Variants in KLHL20 observed in about 807,000 individuals in gnomAD.
KLHL20 encodes the protein kelch-like protein 20.
In KLHL20, 29 loss-of-function variants were observed where a neutral mutation model predicts 69.5. The observed-to-expected ratio is 0.42, with a 90% CI of 0.31 to 0.57. The LOEUF is 0.57. Ranked by LOEUF, KLHL20 falls within the 20% of genes least tolerant of loss-of-function variation. The pLI is 0.18. For synonymous variants in KLHL20, 253 were observed against 265.2 expected, an observed-to-expected ratio of 0.95 and a Z score of 0.45; for missense variants, 419 against 776.0, an observed-to-expected ratio of 0.54 and a Z score of 5.47.
At chr1:173,719,784 TTTA>T (rs1671633407) in intron 2 of KLHL20, among the ~76,000 whole-genome samples, 1 of 152,242 alleles carries the variant, frequency 6.6e-6, no homozygotes. Context: ...AATCATTCAT[TTTA>T]TTAAGAGATA....
At position 173,786,662 on chromosome 1, in the gene KLHL20, T is replaced by A. The variant is rs1207707528; in HGVS notation, c.*1415T>A. 3 of 152,604 alleles carry A rather than the reference T, an allele frequency of 2.0e-5. No individual in the cohort carries two copies. The highest frequency in any genetic ancestry group is 4.4e-5 in the Non-Finnish European group (3 of 68,010). 9.5% of individuals were successfully genotyped at this position (152,604 alleles called of 1,614,324 possible). A position where few individuals can be genotyped will look rare whatever the true frequency, so the allele number is the denominator to read the frequency against. The stretch of plus-strand genomic sequence containing the variant: ...TTTTTTCTAGCATGTATAACTTTTT[T>A]AAATAAAGGTAGTATTTACCATTAA... On this transcript the variant is annotated 3_prime_UTR_variant, in exon 12 of 12. Coordinates refer to ENST00000209884, the MANE Select transcript of KLHL20 (RefSeq NM_014458.4).
intron 9 of KLHL20, 106 bp from the exon 10 acceptor site, chr1:173,775,526 CAT>C: frequency 3.4e-6 from 3 of 879,362 alleles, no homozygotes; most frequent in Non-Finnish European, 5.4e-6. Flanking sequence ...AAAATCAGAT[CAT>C]GTGTTGAAAA....
At chr1:173,767,846 C>T (rs1043845506) in intron 8 of KLHL20, among the ~76,000 whole-genome samples, 2 of 152,182 alleles carry the variant, frequency 1.3e-5, no homozygotes, top group African/African-American at 4.8e-5. Context: ...TGTCTCTTCA[C>T]TCTGTTGATT....
intron 3 of KLHL20, among the ~76,000 whole-genome samples, chr1:173,744,541 CAG>C (rs10555539): frequency 0.25 from 38,510 of 151,834 alleles, 4,986 homozygotes; most frequent in Middle Eastern, 0.39. Flanking sequence ...GATTTTGAGG[CAG>C]AGTTTGAAAG....
chr1:173,761,669 TAAA>T (rs1647315678), intron 7 of KLHL20, among the ~76,000 whole-genome samples: 1 of 152,150 alleles, frequency 6.6e-6, no homozygotes, highest in Admixed American at 6.5e-5. Context: ...GATGGAAATT[TAAA>T]AATTCTTCAA....
intron 2 of KLHL20, among the ~76,000 whole-genome samples, chr1:173,721,420 C>T (rs1021139737): frequency 6.6e-6 from 1 of 152,192 alleles, no homozygotes; most frequent in Non-Finnish European, 1.5e-5. Context: ...CTACTATAGA[C>T]ACTAGAAAAT....
intron 4 of KLHL20, among the ~76,000 whole-genome samples, chr1:173,752,406 C>T (rs1198186241): frequency 6.6e-6 from 1 of 152,130 alleles, no homozygotes; most frequent in African/African-American, 2.4e-5. Context: ...GCTTTTTGCT[C>T]CTTTGCTTTC....
intron 7 of KLHL20, among the ~76,000 whole-genome samples, chr1:173,763,214 A>G (rs1212872294): frequency 6.6e-6 from 1 of 152,186 alleles, no homozygotes; most frequent in Non-Finnish European, 1.5e-5. Context: ...GAACTACAAA[A>G]TAGTGCAGAA....
chr1:173,741,830 T>A, intron 3 of KLHL20: 1 of 1,585,490 alleles, frequency 6.3e-7, no homozygotes, highest in East Asian at 2.2e-5. Flanking sequence ...ATGCACAAAC[T>A]GTAGTTTTGT....
chr1:173,717,344 T>G (rs979799887), intron 2 of KLHL20, among the ~76,000 whole-genome samples: 7 of 152,246 alleles, frequency 4.6e-5, no homozygotes, highest in African/African-American at 1.7e-4. Context: ...CTTGCTTTAT[T>G]ACATAATACT....
In KLHL20 at chr1:173,734,252, T is replaced by C. The variant is rs1268080517; in HGVS notation, c.563T>C (p.Ile188Thr). 1 of 1,614,230 alleles carries C rather than the reference T, an allele frequency of 6.2e-7. No homozygotes were observed. The highest frequency in any genetic ancestry group is 1.3e-5 in the African/African-American group (1 of 75,054). ...CATTCATGTCGTGAGTTGCTAAGGATAGCAGACAAGTTCACCCAACATAAC... is the reference window on the plus strand; with the variant it reads ...CATTCATGTCGTGAGTTGCTAAGGACAGCAGACAAGTTCACCCAACATAAC... ...DTHSCRELLR[I>T]ADKFTQHNFQ... The change falls in exon 3 of 12, where the codon ATA becomes ACA. Residue 188 changes from isoleucine (I) to threonine (T), a missense_variant. By Grantham distance (89) the Ile-to-Thr change is moderately conservative. This residue lies in a region of KLHL20 where 99 missense variants were observed against 240.7 expected (regional missense o/e 0.41). Transcript: ENST00000209884.
At chr1:173,759,048 A>G (rs1341876377) in intron 7 of KLHL20, among the ~76,000 whole-genome samples, 1 of 152,116 alleles carries the variant, frequency 6.6e-6, no homozygotes, top group Non-Finnish European at 1.5e-5. Context: ...GAGTGAGACC[A>G]TGGGAGTGAG....
intron 2 of KLHL20, among the ~76,000 whole-genome samples, chr1:173,731,283 T>C (rs1672262535): frequency 6.6e-6 from 1 of 151,466 alleles, no homozygotes; most frequent in African/African-American, 2.5e-5. Flanking sequence ...TGTAAACTAG[T>C]TCAACCATTG....
chr1:173,754,046 C>T (rs572135207), intron 5 of KLHL20, among the ~76,000 whole-genome samples: 5 of 149,072 alleles, frequency 3.4e-5, no homozygotes, highest in African/African-American at 7.8e-5. Flanking sequence ...GTAAACTACA[C>T]TGACCTTTGA....
At chr1:173,764,540 A>G (rs1647556146) in intron 7 of KLHL20, among the ~76,000 whole-genome samples, 1 of 152,244 alleles carries the variant, frequency 6.6e-6, no homozygotes, top group African/African-American at 2.4e-5. Context: ...AATACTATGC[A>G]GCCATAAAAA....
intron 4 of KLHL20, 130 bp downstream of exon 4, chr1:173,752,052 A>G (rs1673339878): frequency 2.6e-6 from 2 of 765,992 alleles, no homozygotes; most frequent in South Asian, 1.8e-5. Flanking sequence ...CCTGGCCAAC[A>G]TGGTGAAACC....
chr1:173,722,429 C>T (rs1026539462), intron 2 of KLHL20, among the ~76,000 whole-genome samples: 3 of 151,914 alleles, frequency 2.0e-5, no homozygotes, highest in African/African-American at 2.4e-5. Context: ...CTAGACCAGC[C>T]TGGGAAACAG....
At chr1:173,755,871 A>T in intron 5 of KLHL20, 52 bp from the exon 6 acceptor site, 1 of 1,215,764 alleles carries the variant, frequency 8.2e-7, no homozygotes, top group South Asian at 1.3e-5. Context: ...ATTGGGACTT[A>T]ACTAACAATG....
chr1:173,744,905 T>A (rs867451997), intron 3 of KLHL20, among the ~76,000 whole-genome samples: 2 of 152,240 alleles, frequency 1.3e-5, no homozygotes, highest in Middle Eastern at 3.4e-3. Flanking sequence ...ATCATGTAAC[T>A]CTTTTGTTTT....
Sources: allele counts gnomAD v4.1 joint callset (sites outside exome capture counted in the v4.1 genomes callset), GRCh38; gene constraint gnomAD v4.1.1; regional missense constraint gnomAD v4.1.1; transcripts MANE v1.5; gene names NCBI Gene and HGNC (gene_info 2026-07-23, HGNC 2026-07-21).